Variants in SEMA5A observed in about 807,000 individuals in gnomAD.
The protein encoded by SEMA5A is semaphorin-5A.
Under a neutral mutation model 135.5 loss-of-function variants are expected in SEMA5A, and 55 were observed. The observed-to-expected ratio is 0.41, with a 90% CI of 0.33 to 0.51. SEMA5A has a LOEUF of 0.51. SEMA5A is among the 20% of genes least tolerant of loss of function. The pLI, the probability that SEMA5A is intolerant of heterozygous loss-of-function variation, is 0.37. For synonymous variants in SEMA5A, 580 were observed against 546.5 expected, an observed-to-expected ratio of 1.06 and a Z score of -0.85; for missense variants, 1,290 against 1,419.9, an observed-to-expected ratio of 0.91 and a Z score of 1.47.
intron 5 of SEMA5A, among the ~76,000 whole-genome samples, chr5:9,304,151 C>T (rs1269675227): frequency 6.6e-6 from 1 of 152,040 alleles, no homozygotes; most frequent in African/African-American, 2.4e-5. Context: ...TCTTGGATGC[C>T]TGTTTTCTCT....
intron 5 of SEMA5A, among the ~76,000 whole-genome samples, chr5:9,255,038 G>A (rs995424391): frequency 6.6e-6 from 1 of 152,064 alleles, no homozygotes. Context: ...CTGGACAAAA[G>A]GTTATGAATC....
chr5:9,377,558 A>G (rs1032651677), intron 3 of SEMA5A, among the ~76,000 whole-genome samples: 4 of 152,196 alleles, frequency 2.6e-5, no homozygotes, highest in South Asian at 2.1e-4. Context: ...AAGAGAGAGA[A>G]AAAAGTCATT....
At chr5:9,212,069 A>T (rs1746373721) in intron 8 of SEMA5A, among the ~76,000 whole-genome samples, 2 of 152,240 alleles carry the variant, frequency 1.3e-5, no homozygotes, top group African/African-American at 2.4e-5. Context: ...TTAGATGTTC[A>T]TGCTGAGTTA....
chr5:9,280,322 T>C (rs1278614109), intron 5 of SEMA5A, among the ~76,000 whole-genome samples: 1 of 152,026 alleles, frequency 6.6e-6, no homozygotes, highest in Non-Finnish European at 1.5e-5. Context: ...CAATGAATAA[T>C]AGAAAAGTAA....
intron 5 of SEMA5A, among the ~76,000 whole-genome samples, chr5:9,300,607 C>T (rs1390466510): frequency 1.3e-5 from 2 of 152,136 alleles, no homozygotes; most frequent in African/African-American, 4.8e-5. Flanking sequence ...TGAATGGTGG[C>T]CTCCCAAAAC....
In SEMA5A at chr5:9,122,822, C is replaced by T. The variant is rs1369292606; in HGVS notation, c.1615G>A (p.Val539Met). The change falls in exon 14 of 23, where the codon GTG becomes ATG. Residue 539 changes from valine (V) to methionine (M), a missense_variant. Physicochemically the swap from Val to Met is conservative, Grantham distance 21. This residue lies in a region of SEMA5A where 1,029 missense variants were observed against 1,086.6 expected (regional missense o/e 0.95). Coordinates refer to ENST00000382496, the MANE Select transcript of SEMA5A (RefSeq NM_003966.3). ...ISACPTRNLT[V>M]DGHFGVWSPW... Reference sequence around the variant, plus strand: ...GACCACACACCAAAGTGCCCATCCACGGTGAGATTCCTGGTCTAGGAAGCA... The same window carrying T: ...GACCACACACCAAAGTGCCCATCCATGGTGAGATTCCTGGTCTAGGAAGCA... The T allele has an allele frequency of 1.6e-5, 26 of 1,600,700 alleles. No homozygotes were observed. Among genetic ancestry groups the T allele is most frequent in the Middle Eastern group, 3.3e-4 (2 of 5,996 alleles).
At chr5:9,197,446 A>G in intron 9 of SEMA5A, 143 bp from the exon 10 acceptor site, 1 of 1,010,954 alleles carries the variant, frequency 9.9e-7, no homozygotes, top group Non-Finnish European at 1.4e-6. Flanking sequence ...AAAAGGATGA[A>G]GTCAGAGCGT....
chr5:9,338,562 A>G (rs1016411454), intron 3 of SEMA5A, among the ~76,000 whole-genome samples: 9 of 152,186 alleles, frequency 5.9e-5, no homozygotes, highest in Admixed American at 3.9e-4. Flanking sequence ...TCATTAGCTC[A>G]TTTTTAACAC....
At position 9,063,079 on chromosome 5, in the gene SEMA5A, C is replaced by T. The variant is rs552399484; in HGVS notation, c.2326G>A (p.Gly776Arg). ...DGLSGDFLRAGRYSAHTVNGA... is the reference protein window; with the variant it reads ...DGLSGDFLRARRYSAHTVNGA... ...TTGACCGTGTGGGCAGAGTATCTCC[C>T]AGCACGCAGGAAATCCCCAGAAAGC... The change falls in exon 18 of 23, where the codon GGG becomes AGG. Residue 776 changes from glycine (G) to arginine (R), a missense_variant. Gly to Arg is a moderately radical substitution (Grantham distance 125). Transcript: ENST00000382496. The T allele has an allele frequency of 6.2e-7, 1 of 1,613,876 alleles. No homozygotes were observed. The highest frequency in any genetic ancestry group is 1.3e-5 in the African/African-American group (1 of 75,050).
At chr5:9,380,053 G>T in intron 2 of SEMA5A, 30 bp from the exon 3 acceptor site, 1 of 1,423,126 alleles carries the variant, frequency 7.0e-7, no homozygotes, top group Non-Finnish European at 9.4e-7. Context: ...AGAATCAGAT[G>T]ACTGTGAGTT....
chr5:9,400,573 C>T lies in SEMA5A; in HGVS notation c.-77-20550G>A, dbSNP rs1320861333. On this transcript the variant is annotated intron_variant, in intron 2 of 22. Transcript: ENST00000382496. ...CCAGGCTGGAGTGCAGTGGCGGGAT[C>T]TCGGCTCACTGCAAGCTCCGCCTCC... 4.3e-5 allele frequency among the ~76,000 whole-genome samples: 2 copies of T among 45,986 alleles called. 1 individual carries two copies. Among genetic ancestry groups the T allele is most frequent in the Non-Finnish European group, 7.8e-5 (2 of 25,746 alleles). 30.2% of individuals were successfully genotyped at this position (45,986 alleles called of 152,430 possible). A position where few individuals can be genotyped will look rare whatever the true frequency, so the allele number is the denominator to read the frequency against.
intron 1 of SEMA5A, among the ~76,000 whole-genome samples, chr5:9,442,182 G>C (rs1261174196): frequency 6.6e-6 from 1 of 152,202 alleles, no homozygotes; most frequent in Non-Finnish European, 1.5e-5. Flanking sequence ...TTTTGGGGGG[G>C]CTTTAGGCCA....
chr5:9,312,169 C>G (rs963047281), intron 5 of SEMA5A, among the ~76,000 whole-genome samples: 2 of 151,960 alleles, frequency 1.3e-5, no homozygotes, highest in African/African-American at 4.8e-5. Context: ...TTTCAAAAAG[C>G]TTTGTTCTTA....
intron 4 of SEMA5A, among the ~76,000 whole-genome samples, chr5:9,334,503 T>G (rs1753296508): frequency 6.6e-6 from 1 of 152,226 alleles, no homozygotes; most frequent in Non-Finnish European, 1.5e-5. Context: ...ATGAAGACCC[T>G]CAGAGCTTCC....
At chr5:9,440,893 G>A (rs142761694) in intron 1 of SEMA5A, among the ~76,000 whole-genome samples, 24 of 152,256 alleles carry the variant, frequency 1.6e-4, no homozygotes, top group African/African-American at 4.6e-4. Context: ...TTTAGAAACC[G>A]TACAACAGTA....
intron 11 of SEMA5A, among the ~76,000 whole-genome samples, chr5:9,182,594 A>G (rs1001048894): frequency 3.9e-5 from 6 of 152,048 alleles, no homozygotes; most frequent in South Asian, 4.2e-4. Flanking sequence ...ATTGAGGGTG[A>G]CATCTGCCTA....
At chr5:9,098,386 CAT>C (rs1311995041) in intron 16 of SEMA5A, among the ~76,000 whole-genome samples, 3 of 152,160 alleles carry the variant, frequency 2.0e-5, no homozygotes, top group Admixed American at 6.5e-5. Context: ...TGACCAAAAA[CAT>C]GTGTCCAATT....
intron 5 of SEMA5A, among the ~76,000 whole-genome samples, chr5:9,316,523 T>C (rs1448230739): frequency 6.6e-6 from 1 of 152,190 alleles, no homozygotes; most frequent in Non-Finnish European, 1.5e-5. Flanking sequence ...ACAAGTGATA[T>C]GCCAGAGAGT....
At chr5:9,336,290 T>C (rs777255281) in intron 4 of SEMA5A, among the ~76,000 whole-genome samples, 4 of 151,780 alleles carry the variant, frequency 2.6e-5, no homozygotes, top group Non-Finnish European at 5.9e-5. Flanking sequence ...GGAAGGGAAG[T>C]GGGAATGCAG....
Sources: allele counts gnomAD v4.1 joint callset (sites outside exome capture counted in the v4.1 genomes callset), GRCh38; gene constraint gnomAD v4.1.1; regional missense constraint gnomAD v4.1.1; transcripts MANE v1.5; gene names NCBI Gene and HGNC (gene_info 2026-07-23, HGNC 2026-07-21).